Variants in SMIM41 observed in about 807,000 individuals in gnomAD.
SMIM41 encodes the protein small integral membrane protein 41.
At chr12:52,084,015 T>A (rs1939855819) in intron 2 of SMIM41, 47 bp downstream of exon 2, 2 of 152,162 alleles carry the variant, frequency 1.3e-5, no homozygotes, top group African/African-American at 4.8e-5. Context: ...TTTATTCTCT[T>A]TTCCATGAGT....
chr12:52,103,942 G>A (rs959274605), intron 2 of SMIM41, among the ~76,000 whole-genome samples: 4 of 152,148 alleles, frequency 2.6e-5, no homozygotes, highest in African/African-American at 9.7e-5. Flanking sequence ...AGATGATGGC[G>A]GTGATGGTTG....
In SMIM41 at chr12:52,081,072, C is replaced by A. The variant is rs1443985194; in HGVS notation, c.*120+891C>A. Among the ~76,000 whole-genome samples, 1 of 152,064 alleles carries A rather than the reference C, an allele frequency of 6.6e-6. No individual in the cohort carries two copies. Among genetic ancestry groups the A allele is most frequent in the Non-Finnish European group, 1.5e-5 (1 of 67,974 alleles). ...CCCTCTGTCTCTCCAAGGACAGGAG[C>A]CATCTGGAGGGAAGGGCCTGGATGG... On this transcript the variant is annotated intron_variant, in intron 1 of 2. Transcript: ENST00000546390. This position sits in a 1 kb window ranked among gnomAD's most constrained non-coding sequence, Gnocchi z 4.1.
intron 2 of SMIM41, among the ~76,000 whole-genome samples, chr12:52,106,590 C>T (rs561293621): frequency 2.6e-5 from 4 of 152,304 alleles, no homozygotes; most frequent in African/African-American, 9.6e-5. Context: ...GATCTGCCCT[C>T]CTCGGCCTCC....
In SMIM41 at chr12:52,105,380, C is replaced by T. The variant is rs139177809; in HGVS notation, c.*196-1999C>T. Among the ~76,000 whole-genome samples the T allele has an allele frequency of 2.9e-3, 432 of 150,738 alleles. 6 individuals are homozygous for T. Among genetic ancestry groups the T allele is most frequent in the African/African-American group, 0.01 (407 of 40,408 alleles). Reference sequence around the variant, plus strand: ...GTCATAAATTCGGAATTTGGCTTCTCTTCCTGTTGAGGAAGCTGGAAACTG... The same window carrying T: ...GTCATAAATTCGGAATTTGGCTTCTTTTCCTGTTGAGGAAGCTGGAAACTG... On this transcript the variant is annotated intron_variant, in intron 2 of 2. Coordinates refer to ENST00000546390, the MANE Select transcript of SMIM41 (RefSeq NM_001369216.1).
chr12:52,085,432 C>T (rs776051084), intron 2 of SMIM41, among the ~76,000 whole-genome samples: 3 of 152,114 alleles, frequency 2.0e-5, no homozygotes, highest in South Asian at 2.1e-4. Context: ...GGGCCTAGCT[C>T]GTGCCATGTT....
rs561836051 is a variant in SMIM41 at position 52,097,351 on chromosome 12, C to A, written c.*196-10028C>A. 1.1e-3 allele frequency among the ~76,000 whole-genome samples: 163 copies of A among 151,994 alleles called. 2 individuals carry two copies. The highest frequency in any genetic ancestry group is 3.8e-3 in the African/African-American group (158 of 41,480). The stretch of plus-strand genomic sequence containing the variant: ...CCACGATGCGGGGAGAAATATCACC[C>A]CCCCCCGGATATTACGAGCCACATT... On this transcript the variant is annotated intron_variant, in intron 2 of 2. Coordinates refer to ENST00000546390, the MANE Select transcript of SMIM41 (RefSeq NM_001369216.1).
intron 2 of SMIM41, among the ~76,000 whole-genome samples, chr12:52,099,957 T>C (rs1290657617): frequency 6.6e-6 from 1 of 151,602 alleles, no homozygotes; most frequent in African/African-American, 2.4e-5. Flanking sequence ...ACTAACAAGG[T>C]CACGGGGGGT....
intron 2 of SMIM41, among the ~76,000 whole-genome samples, chr12:52,091,640 T>C (rs554340149): frequency 5.9e-4 from 90 of 152,344 alleles, no homozygotes; most frequent in African/African-American, 2.1e-3. Context: ...AAATATGTTA[T>C]TGAACGTTAT....
intron 2 of SMIM41, among the ~76,000 whole-genome samples, chr12:52,100,089 C>T (rs915845801): frequency 9.1e-5 from 13 of 142,084 alleles, no homozygotes; most frequent in Non-Finnish European, 1.1e-4. Context: ...TCCTCTCCCC[C>T]CCCGGATATT....
chr12:52,105,108 T>A (rs1940307180), intron 2 of SMIM41, among the ~76,000 whole-genome samples: 1 of 152,248 alleles, frequency 6.6e-6, no homozygotes, highest in African/African-American at 2.4e-5. Context: ...TCTCCCTGCA[T>A]CCAACCTGCC....
chr12:52,106,926 TA>T (rs1320743719), intron 2 of SMIM41, among the ~76,000 whole-genome samples: 7 of 152,232 alleles, frequency 4.6e-5, no homozygotes, highest in Non-Finnish European at 7.4e-5. Context: ...TCTATTAGAA[TA>T]AAAAATATTT....
chr12:52,104,049 T>C (rs1940276579), intron 2 of SMIM41: 1 of 151,818 alleles, frequency 6.6e-6, no homozygotes, highest in Admixed American at 6.6e-5. Flanking sequence ...TGAAATAATA[T>C]ATATTTATAA....
intron 1 of SMIM41, among the ~76,000 whole-genome samples, chr12:52,083,056 G>A (rs922638398): frequency 6.6e-6 from 1 of 152,132 alleles, no homozygotes; most frequent in Admixed American, 6.5e-5. Context: ...GGAAGTGCTC[G>A]GTGTGGGCCT....
chr12:52,103,325 T>C (rs1267586726), intron 2 of SMIM41, among the ~76,000 whole-genome samples: 1 of 110,326 alleles, frequency 9.1e-6, no homozygotes, highest in East Asian at 2.5e-4. Context: ...AGACTCCATG[T>C]AAACACAAAA....
intron 1 of SMIM41, among the ~76,000 whole-genome samples, chr12:52,082,360 G>C (rs1939830674): frequency 6.6e-6 from 1 of 151,432 alleles, no homozygotes; most frequent in Admixed American, 6.6e-5. Context: ...GGGGTGTAGA[G>C]GTGGGGGCAA....
At position 52,107,579 on chromosome 12, in the gene SMIM41, G is replaced by A. The variant is rs1940366685; in HGVS notation, c.*396G>A. On this transcript the variant is annotated 3_prime_UTR_variant, in exon 3 of 3. Coordinates refer to ENST00000546390, the MANE Select transcript of SMIM41 (RefSeq NM_001369216.1). ...CCACCACGGTCCCCCAGATGACTGT[G>A]GACATCCAGTCTCGCAGCAGAGTCA... 8.4e-6 allele frequency: 6 copies of A among 714,656 alleles called. No individual in the cohort carries two copies. The highest frequency in any genetic ancestry group is 8.1e-5 in the South Asian group (6 of 74,132). 44.3% of individuals were successfully genotyped at this position (714,656 alleles called of 1,614,324 possible).
intron 2 of SMIM41, among the ~76,000 whole-genome samples, chr12:52,086,611 C>T (rs548634612): frequency 9.8e-5 from 15 of 152,286 alleles, no homozygotes; most frequent in Admixed American, 4.6e-4. Flanking sequence ...TGCAGCCGCA[C>T]GCCCACGCCC....
intron 2 of SMIM41, among the ~76,000 whole-genome samples, chr12:52,090,887 T>A (rs1939990255): frequency 6.6e-6 from 1 of 152,136 alleles, no homozygotes; most frequent in African/African-American, 2.4e-5. Flanking sequence ...ATCCTCACCA[T>A]CCTCTCAATA....
At chr12:52,083,086 T>TC (rs1363041838) in intron 1 of SMIM41, among the ~76,000 whole-genome samples, 2 of 152,122 alleles carry the variant, frequency 1.3e-5, no homozygotes, top group African/African-American at 4.8e-5. Flanking sequence ...AGACCTGCAC[T>TC]CCCAGCCCGC....
Sources: allele counts gnomAD v4.1 joint callset (sites outside exome capture counted in the v4.1 genomes callset), GRCh38; gene constraint gnomAD v4.1.1; non-coding constraint Gnocchi (gnomAD v3.1); transcripts MANE v1.5; gene names NCBI Gene and HGNC (gene_info 2026-07-23, HGNC 2026-07-21).